Variants in CCNT1 observed in about 807,000 individuals in gnomAD.
The protein encoded by CCNT1 is cyclin-T1.
CCNT1 carries 18 observed loss-of-function variants against 67.3 expected under a neutral mutation model. The ratio of observed to expected loss-of-function variants is 0.27; its 90% confidence interval spans 0.18 to 0.40. The LOEUF is 0.40. CCNT1 is among the 10% of genes least tolerant of loss of function. The pLI, the probability that CCNT1 is intolerant of heterozygous loss-of-function variation, is 1.00. For missense variants in CCNT1, 744 were observed against 884.9 expected, an observed-to-expected ratio of 0.84 and a Z score of 2.02; for synonymous variants, 333 against 310.3, an observed-to-expected ratio of 1.07 and a Z score of -0.77.
chr12:48,700,872 G>A (rs1304674829), intron 4 of CCNT1, 141 bp downstream of exon 4: 1 of 544,504 alleles, frequency 1.8e-6, no homozygotes, highest in Non-Finnish European at 3.3e-6. Context: ...CTAAACTCAG[G>A]TCTACAACCT....
At chr12:48,698,002 T>C (rs553613824) in intron 6 of CCNT1, 136 bp downstream of exon 6, 26 of 532,656 alleles carry the variant, frequency 4.9e-5, no homozygotes, top group African/African-American at 9.8e-5. Flanking sequence ...AAAAGTACCA[T>C]GGAAATTTAA....
In CCNT1 at chr12:48,693,932, G is replaced by A; in HGVS notation, c.1282C>T (p.His428Tyr). 6.2e-7 allele frequency: 1 copy of A among 1,614,156 alleles called. No homozygotes were observed. Among genetic ancestry groups the A allele is most frequent in the Non-Finnish European group, 8.5e-7 (1 of 1,180,036 alleles). ...YAYAAQNLLS[H>Y]HDSHSSVILK... ...ATGACTGAAGAATGGCTATCATGAT[G>A]AGAAAGGAGATTCTGGGCAGCATAT... The change falls in exon 9 of 9, where the codon CAT becomes TAT. Residue 428 changes from histidine to tyrosine, a missense_variant. This residue lies in a region of CCNT1 where 564 missense variants were observed against 574.2 expected (regional missense o/e 0.98). Transcript: ENST00000261900.
At position 48,693,598 on chromosome 12, in the gene CCNT1, T is replaced by C; in HGVS notation, c.1616A>G (p.Asn539Ser). 6.2e-7 allele frequency: 1 copy of C among 1,614,212 alleles called. No individual in the cohort carries two copies. Among genetic ancestry groups the C allele is most frequent in the Non-Finnish European group, 8.5e-7 (1 of 1,180,030 alleles). ...ATGTTTTGGATCACCAGGACGTTTG[T>C]TCCCAGTACCAACTGGAAGTTGGGA... ...SHSQLPVGTG[N>S]KRPGDPKHSS... Residue 539 changes from asparagine (N) to serine (S), a missense_variant, in exon 9 of 9, where the codon AAC (asparagine) becomes AGC (serine). Asn to Ser is a conservative substitution (Grantham distance 46). Transcript: ENST00000261900.
intron 2 of CCNT1, among the ~76,000 whole-genome samples, chr12:48,710,936 C>T (rs1050396796): frequency 1.3e-5 from 2 of 152,070 alleles, no homozygotes; most frequent in African/African-American, 4.8e-5. Context: ...TGGCAGGCGC[C>T]TGTAATCCCA....
At chr12:48,696,519 A>G (rs1168624436) in intron 6 of CCNT1, among the ~76,000 whole-genome samples, 2 of 152,096 alleles carry the variant, frequency 1.3e-5, no homozygotes, top group Non-Finnish European at 2.9e-5. Flanking sequence ...GTCAATATTT[A>G]TTACCTATTA....
At chr12:48,710,406 G>A (rs903784700) in intron 2 of CCNT1, among the ~76,000 whole-genome samples, 6 of 152,164 alleles carry the variant, frequency 3.9e-5, no homozygotes, top group African/African-American at 1.4e-4. Flanking sequence ...TCCAAAATGT[G>A]CCTAAAATCA....
At chr12:48,704,907 A>G (rs1479749994) in intron 3 of CCNT1, among the ~76,000 whole-genome samples, 2 of 152,342 alleles carry the variant, frequency 1.3e-5, no homozygotes, top group Non-Finnish European at 2.9e-5. Flanking sequence ...ATAGAAATAA[A>G]GTGAACAATA....
chr12:48,697,020 G>A (rs1194004120), intron 6 of CCNT1, among the ~76,000 whole-genome samples: 1 of 152,110 alleles, frequency 6.6e-6, no homozygotes, highest in Admixed American at 6.5e-5. Flanking sequence ...TTTTAGTAAA[G>A]ATGTGGTTTC....
chr12:48,710,683 C>A (rs1940435231), intron 2 of CCNT1, among the ~76,000 whole-genome samples: 1 of 152,146 alleles, frequency 6.6e-6, no homozygotes, highest in South Asian at 2.1e-4. Context: ...ACCAGATCAT[C>A]CATTCATTCA....
intron 8 of CCNT1, 116 bp downstream of exon 8, chr12:48,695,643 T>G: frequency 1.5e-6 from 1 of 672,156 alleles, no homozygotes; most frequent in East Asian, 2.7e-5. Flanking sequence ...ATGATTACTG[T>G]GTAACTATAA....
chr12:48,714,341 A>G (rs908637646), intron 2 of CCNT1, 102 bp downstream of exon 2: 2 of 703,490 alleles, frequency 2.8e-6, no homozygotes, highest in Non-Finnish European at 2.5e-6. Context: ...CCTAAATTCT[A>G]AAGTTCAAGT....
chr12:48,694,070 C>T lies in CCNT1; in HGVS notation c.1144G>A (p.Val382Met). The change falls in exon 9 of 9, where the codon GTG becomes ATG. Residue 382 changes from valine (V) to methionine (M), a missense_variant. Val to Met is a conservative substitution (Grantham distance 21). Transcript: ENST00000261900. ...FISQKQNSKSVPSAKVSLKEY... is the reference protein window; with the variant it reads ...FISQKQNSKSMPSAKVSLKEY... Reference sequence around the variant, plus strand: ...TTCAGTGACACTTTAGCTGATGGCACACTCTTACTATTCTGCTTCTGGGAA... The same window carrying T: ...TTCAGTGACACTTTAGCTGATGGCATACTCTTACTATTCTGCTTCTGGGAA... The T allele has an allele frequency of 1.9e-6, 3 of 1,614,236 alleles. No individual in the cohort carries two copies. The highest frequency in any genetic ancestry group is 2.5e-6 in the Non-Finnish European group (3 of 1,180,040).
chr12:48,697,534 A>AAAAAAAAAAAAATAT (rs1288926072), intron 6 of CCNT1, among the ~76,000 whole-genome samples: 1 of 130,710 alleles, frequency 7.7e-6, no homozygotes, highest in African/African-American at 3.0e-5. Flanking sequence ...AAAAAAAAAA[A>AAAAAAAAAAAAATAT]ATATATATAT....
chr12:48,715,118 C>A (rs1443441371), intron 1 of CCNT1, among the ~76,000 whole-genome samples: 1 of 152,176 alleles, frequency 6.6e-6, no homozygotes, highest in Non-Finnish European at 1.5e-5. Flanking sequence ...TGGCTGACAA[C>A]CTTAATGACA....
At chr12:48,711,861 C>T (rs1160039624) in intron 2 of CCNT1, among the ~76,000 whole-genome samples, 2 of 152,184 alleles carry the variant, frequency 1.3e-5, no homozygotes, top group Admixed American at 6.5e-5. Context: ...GGCACGATCT[C>T]GGCTCACTGC....
rs1435532161 is a variant in CCNT1 at position 48,697,532 on chromosome 12, A to ATATATAT, written c.542+605_542+606insATATATA. Among the ~76,000 whole-genome samples, 19 of 119,192 alleles carry ATATATAT rather than the reference A, an allele frequency of 1.6e-4. 1 individual carries two copies. Among genetic ancestry groups the ATATATAT allele is most frequent in the African/African-American group, 6.2e-4 (19 of 30,804 alleles). 78.2% of individuals were successfully genotyped at this position (119,192 alleles called of 152,430 possible). On this transcript the variant is annotated intron_variant, in intron 6 of 8. Coordinates refer to ENST00000261900, the MANE Select transcript of CCNT1 (RefSeq NM_001240.4). ...AGTGAGACTCTGTCTTAAAAAAAAA[A>ATATATAT]AAATATATATATATATATATATATA...
chr12:48,714,958 G>A (rs188422681), intron 1 of CCNT1, among the ~76,000 whole-genome samples: 61 of 152,160 alleles, frequency 4.0e-4, no homozygotes, highest in African/African-American at 1.3e-3. Flanking sequence ...GATTACAGGC[G>A]CCCACCAACA....
At chr12:48,702,784 T>C (rs1940291961) in intron 3 of CCNT1, among the ~76,000 whole-genome samples, 1 of 151,660 alleles carries the variant, frequency 6.6e-6, no homozygotes, top group Non-Finnish European at 1.5e-5. Flanking sequence ...ACCACGGCAC[T>C]CCGGCCTGGG....
At chr12:48,694,977 C>A (rs1940145994) in intron 8 of CCNT1, among the ~76,000 whole-genome samples, 1 of 152,202 alleles carries the variant, frequency 6.6e-6, no homozygotes, top group Admixed American at 6.5e-5. Flanking sequence ...GTGTGCATCA[C>A]CATGCCTGGC....
Sources: allele counts gnomAD v4.1 joint callset (sites outside exome capture counted in the v4.1 genomes callset), GRCh38; gene constraint gnomAD v4.1.1; regional missense constraint gnomAD v4.1.1; transcripts MANE v1.5; gene names NCBI Gene and HGNC (gene_info 2026-07-23, HGNC 2026-07-21).